The following CLASP2 variants were observed in gnomAD, a reference collection of about 807,000 sequenced individuals.
The protein encoded by CLASP2 is CLIP-associating protein 2.
In CLASP2, 47 loss-of-function variants were observed where a neutral mutation model predicts 194.4. That is an observed-to-expected ratio of 0.24 (90% CI 0.19 to 0.31). The LOEUF (loss-of-function observed/expected upper bound fraction) is 0.31, where lower values mean the gene tolerates loss of function less well. Among genes scored for constraint, CLASP2 ranks in the 10% least tolerant of loss-of-function variants. CLASP2 has a pLI of 1.00. For synonymous variants in CLASP2, 619 were observed against 633.5 expected, an observed-to-expected ratio of 0.98 and a Z score of 0.34; for missense variants, 1,445 against 1,823.6, an observed-to-expected ratio of 0.79 and a Z score of 3.78.
At chr3:33,546,211 T>C (rs370724815) in intron 30 of CLASP2, among the ~76,000 whole-genome samples, 2 of 152,174 alleles carry the variant, frequency 1.3e-5, no homozygotes, top group African/African-American at 4.8e-5. Flanking sequence ...TCCCAATTGC[T>C]CCCAAACCAT....
At chr3:33,592,620 G>A (rs1230162333) in intron 20 of CLASP2, 124 bp from the exon 21 acceptor site, 5 of 783,158 alleles carry the variant, frequency 6.4e-6, no homozygotes, top group Non-Finnish European at 8.5e-6. Context: ...CATCAATTAC[G>A]GGTTCTATTT....
chr3:33,659,604 G>C (rs1453164007), intron 7 of CLASP2: 1 of 176,862 alleles, frequency 5.7e-6, no homozygotes, highest in Non-Finnish European at 1.1e-5. Context: ...AGCATTTCTG[G>C]CTGCCGTAAA....
intron 1 of CLASP2, among the ~76,000 whole-genome samples, chr3:33,709,927 G>T (rs1415601562): frequency 1.3e-5 from 2 of 152,174 alleles, no homozygotes; most frequent in Non-Finnish European, 2.9e-5. Context: ...TTTTATAATT[G>T]TGATGAAGTT....
rs185317202 is a variant in CLASP2 at position 33,703,879 on chromosome 3, A to G, written c.196-6946T>C. 4.6e-5 allele frequency among the ~76,000 whole-genome samples: 7 copies of G among 152,382 alleles called. No homozygotes were observed. In the East Asian group the frequency reaches 1.2e-3, roughly 25 times the overall value. ...AGGTGAATGGATAAATATGTAGTAC[A>G]TTCAGACAATGGAATAGTATTCAGC... is the stretch of plus-strand genomic sequence containing the variant. On this transcript the variant is annotated intron_variant, in intron 1 of 38. Transcript: ENST00000682230.
chr3:33,696,434 C>G (rs1411186792), intron 2 of CLASP2, among the ~76,000 whole-genome samples: 6 of 123,228 alleles, frequency 4.9e-5, no homozygotes, highest in African/African-American at 1.9e-4. Flanking sequence ...AACTGAAATG[C>G]TAAGTAGCAG....
intron 38 of CLASP2, among the ~76,000 whole-genome samples, chr3:33,499,074 T>C (rs2046223480): frequency 1.3e-5 from 2 of 152,270 alleles, no homozygotes; most frequent in Middle Eastern, 6.8e-3. Context: ...TCCCCATGTG[T>C]TGGGGGAGGG....
chr3:33,658,657 C>T (rs1055302092), intron 7 of CLASP2, among the ~76,000 whole-genome samples: 2 of 152,202 alleles, frequency 1.3e-5, no homozygotes, highest in Non-Finnish European at 2.9e-5. Context: ...CAATGTTCTT[C>T]CTCTAAGCTT....
chr3:33,509,461 C>A (rs542680619), intron 37 of CLASP2, among the ~76,000 whole-genome samples: 1 of 152,174 alleles, frequency 6.6e-6, no homozygotes, highest in Non-Finnish European at 1.5e-5. Flanking sequence ...GTGATCTGCC[C>A]ACCTTGGCCT....
chr3:33,694,550 G>A (rs542625750), intron 2 of CLASP2, among the ~76,000 whole-genome samples: 13 of 152,282 alleles, frequency 8.5e-5, no homozygotes, highest in African/African-American at 2.9e-4. Flanking sequence ...TTTAAGAAGT[G>A]CAGTATTCCA....
chr3:33,622,108 C>T (rs1461939796), intron 11 of CLASP2, 27 bp downstream of exon 11: 10 of 1,493,726 alleles, frequency 6.7e-6, no homozygotes, highest in Non-Finnish European at 9.0e-7. Context: ...TCATAAAAAA[C>T]ACTTATCATA....
At chr3:33,646,551 T>A (rs1425884149) in intron 7 of CLASP2, among the ~76,000 whole-genome samples, 1 of 152,000 alleles carries the variant, frequency 6.6e-6, no homozygotes, top group Non-Finnish European at 1.5e-5. Flanking sequence ...AGAGTAGACA[T>A]ACAAATCTAC....
At chr3:33,658,915 C>A (rs920841234) in intron 7 of CLASP2, 15 of 1,410,338 alleles carry the variant, frequency 1.1e-5, no homozygotes, top group Non-Finnish European at 2.9e-6. Flanking sequence ...AGCAAATGAT[C>A]GTCACCTTAA....
At chr3:33,699,493 C>T (rs906262227) in intron 1 of CLASP2, among the ~76,000 whole-genome samples, 11 of 152,060 alleles carry the variant, frequency 7.2e-5, no homozygotes, top group Non-Finnish European at 1.0e-4. Context: ...ATTAAATACA[C>T]AAGTACAGAA....
chr3:33,705,629 G>A (rs1217691150), intron 1 of CLASP2, among the ~76,000 whole-genome samples: 2 of 152,020 alleles, frequency 1.3e-5, no homozygotes, highest in Non-Finnish European at 2.9e-5. Context: ...TCTCAAATAA[G>A]CAGGAAAAAA....
intron 8 of CLASP2, among the ~76,000 whole-genome samples, chr3:33,634,752 T>TAC (rs1474667633): frequency 6.6e-6 from 1 of 152,226 alleles, no homozygotes; most frequent in Non-Finnish European, 1.5e-5. Context: ...CTACAATGGA[T>TAC]ACATATTTCA....
intron 1 of CLASP2, among the ~76,000 whole-genome samples, chr3:33,713,572 C>A (rs966178362): frequency 3.3e-5 from 5 of 152,176 alleles, no homozygotes; most frequent in Admixed American, 6.5e-5. Context: ...TGGGAAGAAT[C>A]CTCCTCAGAA....
At chr3:33,685,869 T>C (rs1235954498) in intron 5 of CLASP2, among the ~76,000 whole-genome samples, 1 of 151,976 alleles carries the variant, frequency 6.6e-6, no homozygotes, top group Non-Finnish European at 1.5e-5. Context: ...TGCTGTTTCA[T>C]GGGTACAGGG....
chr3:33,608,921 T>C (rs543876033), intron 13 of CLASP2, among the ~76,000 whole-genome samples: 1 of 152,060 alleles, frequency 6.6e-6, no homozygotes, highest in South Asian at 2.1e-4. Flanking sequence ...CAATTATTGT[T>C]ATGCTAAACA....
intron 22 of CLASP2, among the ~76,000 whole-genome samples, chr3:33,582,626 C>T (rs1259062845): frequency 6.6e-6 from 1 of 152,086 alleles, no homozygotes; most frequent in Admixed American, 6.6e-5. Context: ...TCACTGCACT[C>T]CAGACTGGGT....
Sources: allele counts gnomAD v4.1 joint callset (sites outside exome capture counted in the v4.1 genomes callset), GRCh38; gene constraint gnomAD v4.1.1; transcripts MANE v1.5; gene names NCBI Gene and HGNC (gene_info 2026-07-23, HGNC 2026-07-21).